Variants in SGCD observed in about 807,000 individuals in gnomAD.
SGCD encodes the protein sarcoglycan delta, also known as delta-sarcoglycan.
Under a neutral mutation model 36.6 loss-of-function variants are expected in SGCD, and 18 were observed. The ratio of observed to expected loss-of-function variants is 0.49; its 90% CI spans 0.34 to 0.73. The LOEUF (loss-of-function observed/expected upper bound fraction) is 0.73, where lower values mean the gene tolerates loss of function less well. Among genes scored for constraint, SGCD ranks in the 30% least tolerant of loss-of-function variants. SGCD has a pLI of 0.01. For missense variants in SGCD, 387 were observed against 346.7 expected, an observed-to-expected ratio of 1.12 and a Z score of -0.92; for synonymous variants, 133 against 130.6, an observed-to-expected ratio of 1.02 and a Z score of -0.12.
intron 3 of SGCD, among the ~76,000 whole-genome samples, chr5:156,258,784 T>C (rs1765777023): frequency 6.6e-6 from 1 of 152,210 alleles, no homozygotes; most frequent in Non-Finnish European, 1.5e-5. Flanking sequence ...ACTTTTGTTA[T>C]TTTAAAATGA....
chr5:155,730,445 C>CTCTGTGTG, the SGCD span, among the ~76,000 whole-genome samples: 1 of 137,196 alleles, frequency 7.3e-6, no homozygotes, highest in Non-Finnish European at 1.6e-5. Flanking sequence ...GGTAGAGCAG[C>CTCTGTGTG]TGTGTGTGTG....
At chr5:156,696,560 A>G (rs533982101) in intron 7 of SGCD, among the ~76,000 whole-genome samples, 3 of 152,152 alleles carry the variant, frequency 2.0e-5, no homozygotes, top group Non-Finnish European at 4.4e-5. Flanking sequence ...CCCAGGCTGG[A>G]GTGCAGTGGC....
At chr5:156,720,056 C>A (rs559420275) in intron 7 of SGCD, among the ~76,000 whole-genome samples, 5 of 152,244 alleles carry the variant, frequency 3.3e-5, no homozygotes, top group Non-Finnish European at 5.9e-5. Flanking sequence ...GAAGCTCTAC[C>A]CCTGCCTTCT....
At chr5:156,444,026 T>G (rs13177149) in intron 3 of SGCD, among the ~76,000 whole-genome samples, 6 of 150,906 alleles carry the variant, frequency 4.0e-5, no homozygotes, top group Admixed American at 6.6e-5. Context: ...CTTGCTGATT[T>G]TGGACATCCC....
chr5:156,235,284 C>T (rs1241505191), intron 3 of SGCD, among the ~76,000 whole-genome samples: 1 of 152,100 alleles, frequency 6.6e-6, no homozygotes, highest in East Asian at 1.9e-4. Flanking sequence ...CAGTTTTGTT[C>T]TGAGGCAGAA....
intron 3 of SGCD, among the ~76,000 whole-genome samples, chr5:156,385,689 G>A (rs953608334): frequency 6.6e-6 from 1 of 152,184 alleles, no homozygotes; most frequent in African/African-American, 2.4e-5. Flanking sequence ...GACTTCGACT[G>A]ATGATTCTAA....
chr5:156,378,305 A>T (rs1008814588), intron 3 of SGCD, among the ~76,000 whole-genome samples: 10 of 152,202 alleles, frequency 6.6e-5, no homozygotes, highest in Non-Finnish European at 1.5e-4. Context: ...ACATTGCTAG[A>T]GAAGGAAAGT....
intron 1 of SGCD, among the ~76,000 whole-genome samples, chr5:155,892,713 T>C (rs540856703): frequency 2.8e-4 from 43 of 152,218 alleles, no homozygotes; most frequent in Non-Finnish European, 5.4e-4. Flanking sequence ...GTTCTGCAGA[T>C]TCATACCTGT....
intron 1 of SGCD, among the ~76,000 whole-genome samples, chr5:155,878,524 A>T (rs1446302149): frequency 1.3e-5 from 2 of 152,076 alleles, no homozygotes; most frequent in African/African-American, 4.8e-5. Context: ...AAATTGGGTC[A>T]CGAGTCTAAG....
At chr5:156,132,960 T>A (rs2127607010) in intron 3 of SGCD, among the ~76,000 whole-genome samples, 1 of 152,340 alleles carries the variant, frequency 6.6e-6, no homozygotes, top group South Asian at 2.1e-4. Context: ...ATTTTGAACG[T>A]CACTTTCTAC....
chr5:155,955,768 A>C (rs1000350832), intron 1 of SGCD, among the ~76,000 whole-genome samples: 1 of 150,266 alleles, frequency 6.7e-6, no homozygotes, highest in Non-Finnish European at 1.5e-5. Flanking sequence ...TTAGAGTAAC[A>C]GATTATGAAC....
At chr5:156,254,076 T>G (rs1765649252) in intron 3 of SGCD, among the ~76,000 whole-genome samples, 1 of 152,186 alleles carries the variant, frequency 6.6e-6, no homozygotes, top group Non-Finnish European at 1.5e-5. Flanking sequence ...TTTCTTCTTT[T>G]CATTTCTTTC....
At chr5:156,295,716 A>T (rs562881070) in intron 3 of SGCD, among the ~76,000 whole-genome samples, 1 of 152,320 alleles carries the variant, frequency 6.6e-6, no homozygotes, top group African/African-American at 2.4e-5. Flanking sequence ...TTTGACCATG[A>T]CCTGCTGTTC....
At chr5:155,767,936 T>C in the SGCD span, among the ~76,000 whole-genome samples, 5 of 152,194 alleles carry the variant, frequency 3.3e-5, no homozygotes, top group African/African-American at 1.2e-4. Context: ...TCTGAAATCA[T>C]GGGTGTGGTG....
At chr5:156,648,986 AT>A (rs1248353653) in intron 7 of SGCD, among the ~76,000 whole-genome samples, 1 of 152,166 alleles carries the variant, frequency 6.6e-6, no homozygotes. Flanking sequence ...GTAATTAGTG[AT>A]GATTAGCCCC....
chr5:156,243,354 G>T (rs936124393), intron 3 of SGCD, among the ~76,000 whole-genome samples: 11 of 152,194 alleles, frequency 7.2e-5, no homozygotes, highest in Non-Finnish European at 5.9e-5. Flanking sequence ...TGGGGAGAGG[G>T]TTATGACAGT....
chr5:156,536,909 G>C (rs969179863), intron 4 of SGCD, among the ~76,000 whole-genome samples: 1 of 152,062 alleles, frequency 6.6e-6, no homozygotes, highest in East Asian at 1.9e-4. Context: ...TCTGATGTGC[G>C]AGCTGCTTTC....
At chr5:156,401,142 C>A (rs1772123445) in intron 3 of SGCD, among the ~76,000 whole-genome samples, 1 of 152,146 alleles carries the variant, frequency 6.6e-6, no homozygotes, top group South Asian at 2.1e-4. Context: ...CCAAATTGCA[C>A]AGTAACTTAA....
At chr5:155,843,259 G>A in the SGCD span, among the ~76,000 whole-genome samples, 1 of 152,182 alleles carries the variant, frequency 6.6e-6, no homozygotes, top group Non-Finnish European at 1.5e-5. Context: ...TTAATGGGTT[G>A]AGGATAGCCA....
Sources: allele counts gnomAD v4.1 joint callset (sites outside exome capture counted in the v4.1 genomes callset), GRCh38; gene constraint gnomAD v4.1.1; transcripts MANE v1.5; gene names NCBI Gene and HGNC (gene_info 2026-07-23, HGNC 2026-07-21).